Variants in GALNTL6 observed in about 807,000 individuals in gnomAD.
GALNTL6 encodes the protein polypeptide N-acetylgalactosaminyltransferase-like 6.
Under a neutral mutation model 73.7 loss-of-function variants are expected in GALNTL6, and 46 were observed. That is an observed-to-expected ratio of 0.62 (90% CI 0.49 to 0.80). GALNTL6 has a LOEUF of 0.80. GALNTL6 is among the 30% of genes least tolerant of loss of function. The probability of loss-of-function intolerance (pLI) is 0.00; values close to 1 mark genes in which losing one functional copy is unlikely to be tolerated. For missense variants in GALNTL6, 604 were observed against 755.0 expected, an observed-to-expected ratio of 0.80 and a Z score of 2.34; for synonymous variants, 259 against 263.7, an observed-to-expected ratio of 0.98 and a Z score of 0.17.
At chr4:172,575,637 C>T (rs1736932762) in intron 5 of GALNTL6, among the ~76,000 whole-genome samples, 1 of 152,304 alleles carries the variant, frequency 6.6e-6, no homozygotes. Flanking sequence ...AAAGCTTCAG[C>T]TTATTATTCT....
At chr4:172,855,905 T>A (rs894879146) in intron 7 of GALNTL6, among the ~76,000 whole-genome samples, 2 of 152,190 alleles carry the variant, frequency 1.3e-5, no homozygotes, top group African/African-American at 4.8e-5. Context: ...CTGTCTGTGG[T>A]GCAATCGACA....
chr4:172,047,926 C>G (rs1505492), intron 2 of GALNTL6, among the ~76,000 whole-genome samples: 121,253 of 152,014 alleles, frequency 0.8, 49,052 homozygotes, highest in East Asian at 0.87. Flanking sequence ...AACATTTTTT[C>G]CACTTGAGTA....
intron 2 of GALNTL6, among the ~76,000 whole-genome samples, chr4:171,987,449 C>T (rs1036118370): frequency 1.9e-4 from 29 of 152,144 alleles, no homozygotes; most frequent in Middle Eastern, 3.2e-3. Context: ...TTCTCAGACG[C>T]TGTAGGAAAG....
intron 8 of GALNTL6, among the ~76,000 whole-genome samples, chr4:172,927,838 C>A (rs550422789): frequency 6.6e-6 from 1 of 152,240 alleles, no homozygotes; most frequent in African/African-American, 2.4e-5. Context: ...CTATCTTCAA[C>A]CACTTCTGTT....
intron 2 of GALNTL6, among the ~76,000 whole-genome samples, chr4:171,954,998 T>C (rs981696570): frequency 6.6e-6 from 1 of 152,172 alleles, no homozygotes; most frequent in Non-Finnish European, 1.5e-5. Flanking sequence ...AAACCTCTTT[T>C]TAAAAATAAA....
chr4:172,835,439 C>A (rs956996950), intron 7 of GALNTL6, among the ~76,000 whole-genome samples: 4 of 152,212 alleles, frequency 2.6e-5, no homozygotes, highest in African/African-American at 7.2e-5. Context: ...GAAGAATGAT[C>A]TAGTTTTAAC....
chr4:171,967,450 T>TTTTTGTTTTTG (rs1553976657), intron 2 of GALNTL6, among the ~76,000 whole-genome samples: 4 of 133,362 alleles, frequency 3.0e-5, no homozygotes, highest in African/African-American at 6.6e-5. Flanking sequence ...CCTATGGGTT[T>TTTTTGTTTTTG]TTTTTTTTTT....
intron 5 of GALNTL6, among the ~76,000 whole-genome samples, chr4:172,488,120 G>C (rs1439450524): frequency 6.6e-6 from 1 of 152,192 alleles, no homozygotes; most frequent in Non-Finnish European, 1.5e-5. Flanking sequence ...GAGGTGTCTA[G>C]GGGCCTTCTC....
At chr4:172,342,325 A>T (rs574683552) in intron 4 of GALNTL6, among the ~76,000 whole-genome samples, 1 of 152,258 alleles carries the variant, frequency 6.6e-6, no homozygotes, top group African/African-American at 2.4e-5. Flanking sequence ...TTTCCAAAAG[A>T]TTATGTAATC....
At chr4:171,910,968 T>TTATTGATA (rs1370577291) in intron 2 of GALNTL6, among the ~76,000 whole-genome samples, 1 of 152,158 alleles carries the variant, frequency 6.6e-6, no homozygotes, top group Admixed American at 6.5e-5. Flanking sequence ...AGTTCTTTAG[T>TTATTGATA]TATTGATATT....
At chr4:171,950,610 G>T (rs1320179691) in intron 2 of GALNTL6, among the ~76,000 whole-genome samples, 1 of 151,708 alleles carries the variant, frequency 6.6e-6, no homozygotes, top group Non-Finnish European at 1.5e-5. Context: ...CTCCCGAGTA[G>T]CTGGGACTAC....
At chr4:172,749,138 G>T (rs895293149) in intron 5 of GALNTL6, among the ~76,000 whole-genome samples, 8 of 151,556 alleles carry the variant, frequency 5.3e-5, no homozygotes, top group Non-Finnish European at 1.2e-4. Context: ...ATCCAGGCTG[G>T]TCTCAAACTA....
At chr4:172,295,417 A>G (rs1382995589) in intron 3 of GALNTL6, among the ~76,000 whole-genome samples, 4 of 24,436 alleles carry the variant, frequency 1.6e-4, no homozygotes, top group African/African-American at 1.8e-4. Context: ...GTGAGACTCC[A>G]TTTAAGAAAA....
At chr4:172,869,600 C>A (rs1744823149) in intron 7 of GALNTL6, among the ~76,000 whole-genome samples, 1 of 152,196 alleles carries the variant, frequency 6.6e-6, no homozygotes, top group Admixed American at 6.5e-5. Context: ...TACATTCAAT[C>A]CTTAACACTC....
chr4:171,970,794 A>G (rs536110274), intron 2 of GALNTL6, among the ~76,000 whole-genome samples: 1 of 152,238 alleles, frequency 6.6e-6, no homozygotes, highest in East Asian at 1.9e-4. Context: ...TTTAAAAAAG[A>G]TAAATATGGC....
chr4:172,937,143 C>G (rs963357331), intron 9 of GALNTL6, among the ~76,000 whole-genome samples: 1 of 151,966 alleles, frequency 6.6e-6, no homozygotes, highest in African/African-American at 2.4e-5. Context: ...ACCTTTACTC[C>G]TTGACTGTAG....
intron 8 of GALNTL6, among the ~76,000 whole-genome samples, chr4:172,905,093 C>T (rs79451749): frequency 0.015 from 2,330 of 152,150 alleles, 68 homozygotes; most frequent in African/African-American, 0.051. Context: ...GGAAAAGTAA[C>T]GGGTTAGCAC....
chr4:172,900,877 T>C (rs898098240), intron 8 of GALNTL6, among the ~76,000 whole-genome samples: 1 of 152,216 alleles, frequency 6.6e-6, no homozygotes, highest in Non-Finnish European at 1.5e-5. Context: ...TTGCAAAATA[T>C]ATATTTTGCA....
intron 3 of GALNTL6, among the ~76,000 whole-genome samples, chr4:172,280,490 A>T (rs1484572880): frequency 6.6e-6 from 1 of 151,968 alleles, no homozygotes; most frequent in African/African-American, 2.4e-5. Context: ...TTTTTTTAAA[A>T]TTTTATTATT....
Sources: gnomAD v4.1 joint callset for allele counts (sites outside exome capture counted in the v4.1 genomes callset) on GRCh38, gnomAD v4.1.1 for gene constraint, MANE v1.5 for transcripts, NCBI Gene and HGNC (gene_info 2026-07-23, HGNC 2026-07-21) for gene names.